The following RPL4 variants were observed in gnomAD, a reference collection of about 807,000 sequenced individuals.
The protein encoded by RPL4 is ribosomal protein L4.
Under a neutral mutation model 47.7 loss-of-function variants are expected in RPL4, and 3 were observed. The ratio of observed to expected loss-of-function variants is 0.06; its 90% CI spans 0.03 to 0.16. RPL4 has a LOEUF of 0.16. Ranked by LOEUF, RPL4 falls within the 10% of genes least tolerant of loss-of-function variation. The probability of loss-of-function intolerance (pLI) is 1.00; values close to 1 mark genes in which losing one functional copy is unlikely to be tolerated. For synonymous variants in RPL4, 208 were observed against 182.1 expected (o/e 1.14, Z -1.15); for missense variants, 413 against 551.3 (o/e 0.75, Z 2.51).
intron 9 of RPL4, 183 bp downstream of exon 9, chr15:66,499,873 A>G (rs1245410838): frequency 2.1e-6 from 2 of 932,140 alleles, no homozygotes; most frequent in East Asian, 5.3e-5. Flanking sequence ...AAATACAAAA[A>G]TTAGCCGGAC....
At chr15:66,504,160 T>G (rs1027339227) in intron 1 of RPL4, among the ~76,000 whole-genome samples, 1 of 152,226 alleles carries the variant, frequency 6.6e-6, no homozygotes, top group African/African-American at 2.4e-5. Context: ...TTCAGGCCAC[T>G]TTAAGCTTTC....
intron 4 of RPL4, 77 bp from the exon 5 acceptor site, chr15:66,501,989 A>C: frequency 6.4e-7 from 1 of 1,569,166 alleles, no homozygotes; most frequent in Non-Finnish European, 8.7e-7. Context: ...ATTTTATACA[A>C]CCAATAAAAG....
At chr15:66,500,701 G>A (rs188395840) in intron 7 of RPL4, 1 of 555,662 alleles carries the variant, frequency 1.8e-6, no homozygotes, top group Non-Finnish European at 3.2e-6. Flanking sequence ...AGAACTGCTT[G>A]AACCCGGGAG....
intron 4 of RPL4, 138 bp downstream of exon 4, chr15:66,502,474 A>T (rs1595896287): frequency 1.1e-6 from 1 of 947,154 alleles, no homozygotes; most frequent in East Asian, 2.7e-5. Context: ...GAACTAAAAT[A>T]TTTTATGCTA....
intron 3 of RPL4, 152 bp downstream of exon 3, chr15:66,502,906 T>C (rs377486905): frequency 2.2e-5 from 30 of 1,337,768 alleles, no homozygotes; most frequent in Middle Eastern, 1.8e-4. Context: ...TACGACATCA[T>C]TGCAAGCAAA....
chr15:66,500,065 C>G lies in RPL4; in HGVS notation c.1029G>C (p.Gln343His), dbSNP rs774467351. Residue 343 changes from glutamine to histidine, a missense_variant, in exon 9 of 10, where the codon CAG becomes CAC. Physicochemically the swap from Gln to His is conservative, Grantham distance 24. Coordinates refer to ENST00000307961, the MANE Select transcript of RPL4 (RefSeq NM_000968.4). Reference sequence around the variant, plus strand: ...CAAAAACTCCACTCACATTCCTGGCCTGGCGAAGAATGGTGTTCCGGCGCA... The same window carrying G: ...CAAAAACTCCACTCACATTCCTGGCGTGGCGAAGAATGGTGTTCCGGCGCA... ...KTMRRNTILR[Q>H]ARNHKLRVDK... 1 of 1,611,740 alleles carries G rather than the reference C, an allele frequency of 6.2e-7. No homozygotes were observed. The highest frequency in any genetic ancestry group is 1.1e-5 in the South Asian group (1 of 90,902).
chr15:66,501,549 T>G (rs771833915), intron 5 of RPL4, 45 bp from the exon 6 acceptor site: 1 of 1,608,196 alleles, frequency 6.2e-7, no homozygotes, highest in East Asian at 2.2e-5. Flanking sequence ...ATAGAATCTC[T>G]GCAATAGATC....
At position 66,502,617 on chromosome 15, in the gene RPL4, G is replaced by C; in HGVS notation, c.416C>G (p.Ser139Cys). ...TTATATAAAGTATTACAAACCTTTA[G>C]ACATGACCAGTGCTGGTAGGGCTGA... Reference protein sequence around the residue: ...AASALPALVMSKGHRIEEVPE... With the variant: ...AASALPALVMCKGHRIEEVPE... The change falls in exon 4 of 10, where the codon TCT becomes TGT. Residue 139 changes from serine to cysteine, a missense_variant. Ser to Cys is a moderately radical substitution (Grantham distance 112). Coordinates refer to ENST00000307961, the MANE Select transcript of RPL4 (RefSeq NM_000968.4). 1 of 1,612,328 alleles carries C rather than the reference G, an allele frequency of 6.2e-7. No homozygotes were observed. The highest frequency in any genetic ancestry group is 1.1e-5 in the South Asian group (1 of 90,980).
chr15:66,502,108 C>T (rs778166578), intron 4 of RPL4, 196 bp from the exon 5 acceptor site: 7 of 784,620 alleles, frequency 8.9e-6, no homozygotes, highest in African/African-American at 1.7e-5. Flanking sequence ...AATAAAAATG[C>T]GATGGGTACG....
chr15:66,499,570 T>C lies in RPL4; in HGVS notation c.1121A>G (p.Lys374Arg), dbSNP rs766247694. 83 of 1,613,796 alleles carry C rather than the reference T, an allele frequency of 5.1e-5. No homozygotes were observed. Among genetic ancestry groups the C allele is most frequent in the Non-Finnish European group, 6.9e-5 (81 of 1,179,874 alleles). The change falls in exon 10 of 10, where the codon AAG (lysine) becomes AGG (arginine). Residue 374 changes from lysine (K) to arginine (R), a missense_variant. Physicochemically the swap from Lys to Arg is conservative, Grantham distance 26. Around this residue, in one of 4 missense-constraint regions of RPL4, gnomAD observed 134 missense variants for 122.7 expected, o/e 1.09. Transcript: ENST00000307961. Reference protein sequence around the residue: ...KSDEKAAVAGKKPVVGKKGKK... With the variant: ...KSDEKAAVAGRKPVVGKKGKK... ...TCCTTTCTTACCTACCACAGGCTTC[T>C]TGCCTGCAACCGCCGCCTTCTCATC...
At position 66,499,565 on chromosome 15, in the gene RPL4, G is replaced by C. The variant is rs11549604; in HGVS notation, c.1126C>G (p.Pro376Ala). ...DEKAAVAGKK[P>A]VVGKKGKKAA... ...TTCTTTCCTTTCTTACCTACCACAG[G>C]CTTCTTGCCTGCAACCGCCGCCTTC... The change falls in exon 10 of 10, where the codon CCT (proline) becomes GCT (alanine). Residue 376 changes from proline (P) to alanine (A), a missense_variant. Coordinates refer to ENST00000307961, the MANE Select transcript of RPL4 (RefSeq NM_000968.4). The C allele has an allele frequency of 4.6e-4, 747 of 1,613,768 alleles. 6 individuals are homozygous for C. In the African/African-American group the frequency reaches 9.4e-3, roughly 20 times the overall value.
chr15:66,503,036 T>C, intron 3 of RPL4, 22 bp downstream of exon 3: 2 of 1,600,828 alleles, frequency 1.2e-6, no homozygotes, highest in African/African-American at 1.3e-5. Flanking sequence ...TGACCAGTCT[T>C]AGGTAGTGAA....
At position 66,500,277 on chromosome 15, in the gene RPL4, C is replaced by CT. The variant is rs781083529; in HGVS notation, c.917+15dup. Reference sequence around the variant, plus strand: ...ATAGGGTTGGGGCGAGAATTACACTCTAAGTATCACTTTACCGTGGTGCTC... The same window carrying CT: ...ATAGGGTTGGGGCGAGAATTACACTCTTAAGTATCACTTTACCGTGGTGCTC... On this transcript the variant is annotated intron_variant, in intron 8 of 9. Transcript: ENST00000307961. 21 of 1,613,974 alleles carry CT rather than the reference C, an allele frequency of 1.3e-5. No homozygotes were observed. Among genetic ancestry groups the CT allele is most frequent in the Middle Eastern group, 1.7e-4 (1 of 6,052 alleles).
intron 2 of RPL4, 87 bp downstream of exon 2, chr15:66,503,270 TG>T: frequency 6.3e-7 from 1 of 1,590,412 alleles, no homozygotes; most frequent in East Asian, 2.2e-5. Context: ...GAAAATCATG[TG>T]GTTCAGAAAC....
rs369123929 is a variant in RPL4, at chr15:66,501,850, T to C, written c.484A>G (p.Lys162Glu). The C allele has an allele frequency of 4.3e-6, 7 of 1,612,122 alleles. No homozygotes were observed. In the South Asian group the frequency reaches 6.6e-5, roughly 15 times the overall value. The change falls in exon 5 of 10, where the codon AAG becomes GAG. Residue 162 changes from lysine to glutamate, a missense_variant. Lys to Glu is a moderately conservative substitution (Grantham distance 56). This residue lies in a region of RPL4 where 214 missense variants were observed against 304.2 expected (regional missense o/e 0.70). Coordinates refer to ENST00000307961, the MANE Select transcript of RPL4 (RefSeq NM_000968.4). ...LVVEDKVEGYKKTKEAVLLLK... is the reference protein window; with the variant it reads ...LVVEDKVEGYEKTKEAVLLLK... ...AGCAAAACAGCTTCCTTGGTCTTCT[T>C]GTAGCCTTCAACTTTATCTTCAACT...
chr15:66,501,995 A>G (rs1893626877), intron 4 of RPL4, 83 bp from the exon 5 acceptor site: 1 of 1,552,618 alleles, frequency 6.4e-7, no homozygotes, highest in African/African-American at 1.4e-5. Flanking sequence ...TACAACCAAT[A>G]AAAGCAAAAT....
At position 66,498,352 on chromosome 15, in the gene RPL4, G is replaced by C. The variant is rs1893519593; in HGVS notation, c.*1055C>G. On this transcript the variant is annotated 3_prime_UTR_variant, in exon 10 of 10. Coordinates refer to ENST00000307961, the MANE Select transcript of RPL4 (RefSeq NM_000968.4). Reference sequence around the variant, plus strand: ...GCCCTGGAAATGGGGAGGGTTAACAGATCACCTTGGCTGTGAACTGAGACT... The same window carrying C: ...GCCCTGGAAATGGGGAGGGTTAACACATCACCTTGGCTGTGAACTGAGACT... 6.6e-6 allele frequency: 1 copy of C among 152,506 alleles called. No homozygotes were observed. Among genetic ancestry groups the C allele is most frequent in the Non-Finnish European group, 1.5e-5 (1 of 68,224 alleles). The allele number at this position is 152,506 out of a possible 1,614,324, so 9.4% of individuals were successfully genotyped here. A position where few individuals can be genotyped will look rare whatever the true frequency, so the allele number is the denominator to read the frequency against.
chr15:66,499,182 C>G lies in RPL4; in HGVS notation c.*225G>C. The stretch of plus-strand genomic sequence containing the variant: ...CTTTTTTTAAATCATTCCCCTTCCA[C>G]TGAACTCCATGGACTTAGTATAAAT... On this transcript the variant is annotated 3_prime_UTR_variant, in exon 10 of 10. Transcript: ENST00000307961. 1 of 474,776 alleles carries G rather than the reference C, an allele frequency of 2.1e-6. No individual in the cohort carries two copies. Among genetic ancestry groups the G allele is most frequent in the Non-Finnish European group, 3.7e-6 (1 of 273,768 alleles). The allele number at this position is 474,776 out of a possible 1,614,324, so 29.4% of individuals were successfully genotyped here.
At position 66,498,629 on chromosome 15, in the gene RPL4, C is replaced by T. The variant is rs926296956; in HGVS notation, c.*778G>A. On this transcript the variant is annotated 3_prime_UTR_variant, in exon 10 of 10. Transcript: ENST00000307961. Reference sequence around the variant, plus strand: ...TTCTGGTACTTTTCAGAGAGTCTTGCTCTGACGCCCAGGCTGGAGGGCAAT... The same window carrying T: ...TTCTGGTACTTTTCAGAGAGTCTTGTTCTGACGCCCAGGCTGGAGGGCAAT... 12 of 152,244 alleles carry T rather than the reference C, an allele frequency of 7.9e-5. No homozygotes were observed. Among genetic ancestry groups the T allele is most frequent in the African/African-American group, 2.9e-4 (12 of 41,446 alleles). 9.4% of individuals were successfully genotyped at this position (152,244 alleles called of 1,614,324 possible). A position where few individuals can be genotyped will look rare whatever the true frequency, so the allele number is the denominator to read the frequency against.
Sources: gnomAD v4.1 joint callset for allele counts (sites outside exome capture counted in the v4.1 genomes callset) on GRCh38, gnomAD v4.1.1 for gene constraint, gnomAD v4.1.1 regional missense constraint, MANE v1.5 for transcripts, NCBI Gene and HGNC (gene_info 2026-07-23, HGNC 2026-07-21) for gene names.